Variants in ZMAT4 observed in about 807,000 individuals in gnomAD.
ZMAT4 encodes the protein zinc finger matrin-type protein 4.
ZMAT4 carries 17 observed loss-of-function variants against 28.7 expected under a neutral mutation model. That is an observed-to-expected ratio of 0.59 (90% CI 0.41 to 0.89). ZMAT4 has a LOEUF of 0.89. Ranked by LOEUF, ZMAT4 falls within the 40% of genes least tolerant of loss-of-function variation. The pLI, the probability that ZMAT4 is intolerant of heterozygous loss-of-function variation, is 0.00. For missense variants in ZMAT4, 240 were observed against 283.8 expected (o/e 0.85, Z 1.11); for synonymous variants, 117 against 109.2 (o/e 1.07, Z -0.44).
At chr8:40,608,082 G>T (rs1000491878) in intron 5 of ZMAT4, among the ~76,000 whole-genome samples, 1 of 152,166 alleles carries the variant, frequency 6.6e-6, no homozygotes, top group South Asian at 2.1e-4. Flanking sequence ...CTTGTCCTAG[G>T]GTTGTCTGGG....
chr8:40,681,975 T>C (rs1809186536), intron 4 of ZMAT4, among the ~76,000 whole-genome samples: 1 of 152,258 alleles, frequency 6.6e-6, no homozygotes, highest in East Asian at 1.9e-4. Context: ...ATATGTATAA[T>C]ATCAACAAAA....
intron 3 of ZMAT4, among the ~76,000 whole-genome samples, chr8:40,746,125 T>C (rs1430430181): frequency 6.6e-6 from 1 of 152,020 alleles, no homozygotes; most frequent in Non-Finnish European, 1.5e-5. Flanking sequence ...AATTTAACTC[T>C]TCCACCCAAA....
intron 1 of ZMAT4, among the ~76,000 whole-genome samples, chr8:40,856,230 G>A (rs956928973): frequency 6.6e-6 from 1 of 152,152 alleles, no homozygotes. Flanking sequence ...GGAAAGATGT[G>A]AGCGCCAAAG....
At chr8:40,743,910 G>A (rs991330852) in intron 3 of ZMAT4, among the ~76,000 whole-genome samples, 1 of 152,180 alleles carries the variant, frequency 6.6e-6, no homozygotes, top group Non-Finnish European at 1.5e-5. Context: ...GAGCAGATCC[G>A]TGAGTGAGGA....
At chr8:40,842,434 C>T (rs1816736652) in intron 1 of ZMAT4, among the ~76,000 whole-genome samples, 1 of 152,220 alleles carries the variant, frequency 6.6e-6, no homozygotes, top group Non-Finnish European at 1.5e-5. Context: ...TTCCAGTTAT[C>T]TTTCTTTCTT....
At chr8:40,596,127 TATAAG>T (rs1805094504) in intron 5 of ZMAT4, among the ~76,000 whole-genome samples, 1 of 151,780 alleles carries the variant, frequency 6.6e-6, no homozygotes, top group African/African-American at 2.4e-5. Flanking sequence ...AACCCCACAA[TATAAG>T]ATAAGAAATA....
At chr8:40,635,534 C>T (rs1341267033) in intron 5 of ZMAT4, among the ~76,000 whole-genome samples, 1 of 152,198 alleles carries the variant, frequency 6.6e-6, no homozygotes, top group Non-Finnish European at 1.5e-5. Flanking sequence ...TTCCAAGATG[C>T]CCAACCTCTG....
chr8:40,885,085 T>C (rs1409678918), intron 1 of ZMAT4: 1 of 151,970 alleles, frequency 6.6e-6, no homozygotes. Context: ...CTCTGATCAC[T>C]CCCAGGGTTG....
intron 1 of ZMAT4, among the ~76,000 whole-genome samples, chr8:40,894,990 T>C (rs1454451080): frequency 6.6e-6 from 1 of 152,168 alleles, no homozygotes; most frequent in East Asian, 1.9e-4. Flanking sequence ...TCAAAGTAGG[T>C]TGGCAAAAGA....
chr8:40,874,958 G>A (rs78389091), intron 1 of ZMAT4, among the ~76,000 whole-genome samples: 2,242 of 152,204 alleles, frequency 0.015, 31 homozygotes, highest in Admixed American at 0.022. Context: ...AGCACATGGC[G>A]CACTCCAGAA....
At chr8:40,724,267 G>A (rs762268783) in intron 3 of ZMAT4, among the ~76,000 whole-genome samples, 9 of 152,152 alleles carry the variant, frequency 5.9e-5, no homozygotes, top group Admixed American at 2.6e-4. Context: ...GGGAAAAAGG[G>A]ATGGCAACAC....
At chr8:40,721,036 G>C (rs1811065297) in intron 3 of ZMAT4, among the ~76,000 whole-genome samples, 1 of 150,934 alleles carries the variant, frequency 6.6e-6, no homozygotes, top group African/African-American at 2.4e-5. Context: ...GTGCAGGTTA[G>C]TTACATATGT....
intron 1 of ZMAT4, among the ~76,000 whole-genome samples, chr8:40,872,433 G>A (rs1267959063): frequency 1.3e-5 from 2 of 152,242 alleles, no homozygotes; most frequent in East Asian, 1.9e-4. Context: ...GGGGGCCCCA[G>A]TACCCCCCCC....
In ZMAT4 at chr8:40,685,232, A is replaced by G. The variant is rs144636954; in HGVS notation, c.350-10301T>C. 4.0e-3 allele frequency among the ~76,000 whole-genome samples: 610 copies of G among 152,254 alleles called. 1 individual carries two copies. The highest frequency in any genetic ancestry group is 6.8e-3 in the Middle Eastern group (2 of 294). Reference sequence around the variant, plus strand: ...TGCTCCATCATGTCAAGTCCCTCCCATCACCAAGATTGAAAGAATTCAGAG... The same window carrying G: ...TGCTCCATCATGTCAAGTCCCTCCCGTCACCAAGATTGAAAGAATTCAGAG... On this transcript the variant is annotated intron_variant, in intron 4 of 6. Transcript: ENST00000297737.
At chr8:40,690,418 A>G (rs938683667) in intron 4 of ZMAT4, among the ~76,000 whole-genome samples, 2 of 152,210 alleles carry the variant, frequency 1.3e-5, no homozygotes, top group Admixed American at 1.3e-4. Context: ...AAGCCAAAAC[A>G]TCAACTGGAA....
intron 4 of ZMAT4, among the ~76,000 whole-genome samples, chr8:40,681,909 T>C (rs1809182402): frequency 6.6e-6 from 1 of 151,986 alleles, no homozygotes. Context: ...TTTAGAAAAG[T>C]ATTTAGAGAC....
chr8:40,725,516 A>G (rs922154243), intron 3 of ZMAT4, among the ~76,000 whole-genome samples: 1 of 152,212 alleles, frequency 6.6e-6, no homozygotes, highest in Non-Finnish European at 1.5e-5. Flanking sequence ...TCAAAGCCCA[A>G]TGTTGCTTGA....
intron 5 of ZMAT4, among the ~76,000 whole-genome samples, chr8:40,666,924 T>C (rs574138046): frequency 9.9e-5 from 15 of 152,058 alleles, no homozygotes; most frequent in Non-Finnish European, 1.9e-4. Flanking sequence ...GCCTAAAATA[T>C]ATGTAGATAC....
intron 1 of ZMAT4, among the ~76,000 whole-genome samples, chr8:40,880,582 C>T (rs762172804): frequency 1.3e-5 from 2 of 151,878 alleles, no homozygotes; most frequent in Non-Finnish European, 2.9e-5. Flanking sequence ...AAGTGCTTGC[C>T]TTGAATCATC....
Sources: gnomAD v4.1 joint callset for allele counts (sites outside exome capture counted in the v4.1 genomes callset) on GRCh38, gnomAD v4.1.1 for gene constraint, MANE v1.5 for transcripts, NCBI Gene and HGNC (gene_info 2026-07-23, HGNC 2026-07-21) for gene names.